SETBP1: variants seen among roughly 807,000 people sequenced by gnomAD.
SETBP1 encodes SET-binding protein.
In SETBP1, 9 loss-of-function variants were observed where a neutral mutation model predicts 101.0. The ratio of observed to expected loss-of-function variants is 0.09; its 90% confidence interval spans 0.05 to 0.16. SETBP1 has a LOEUF of 0.16. Among genes scored for constraint, SETBP1 ranks in the 10% least tolerant of loss-of-function variants. SETBP1 has a pLI of 1.00. For missense variants in SETBP1, 1,858 were observed against 2,033.8 expected, an observed-to-expected ratio of 0.91 and a Z score of 1.66; for synonymous variants, 818 against 788.5, an observed-to-expected ratio of 1.04 and a Z score of -0.63.
chr18:44,917,881 G>A (rs893686652), intron 3 of SETBP1, among the ~76,000 whole-genome samples: 3 of 152,020 alleles, frequency 2.0e-5, no homozygotes, highest in African/African-American at 7.2e-5. Flanking sequence ...AGCCAGGTTT[G>A]GAGAAGGAAA....
chr18:44,978,077 G>C (rs1216517471), intron 4 of SETBP1, among the ~76,000 whole-genome samples: 1 of 152,096 alleles, frequency 6.6e-6, no homozygotes, highest in African/African-American at 2.4e-5. Flanking sequence ...CAGCCAGCCA[G>C]GGTTGCAACC....
chr18:44,752,474 T>C (rs576744207), intron 2 of SETBP1, among the ~76,000 whole-genome samples: 4 of 152,332 alleles, frequency 2.6e-5, no homozygotes, highest in East Asian at 1.9e-4. Flanking sequence ...CTGGTGGGTA[T>C]TGAAATCTTT....
intron 1 of SETBP1, among the ~76,000 whole-genome samples, chr18:44,694,448 G>A (rs12373482): frequency 0.054 from 8,208 of 152,286 alleles, 314 homozygotes; most frequent in Non-Finnish European, 0.081. Flanking sequence ...CTGACCTCAG[G>A]TGATCTGCCC....
intron 2 of SETBP1, among the ~76,000 whole-genome samples, chr18:44,780,039 C>A (rs1189365318): frequency 1.3e-5 from 2 of 152,166 alleles, no homozygotes; most frequent in Non-Finnish European, 2.9e-5. Flanking sequence ...TAAGAGAGTT[C>A]CCTCCTTGTT....
At chr18:44,769,857 G>A (rs1599101343) in intron 2 of SETBP1, among the ~76,000 whole-genome samples, 2 of 152,174 alleles carry the variant, frequency 1.3e-5, no homozygotes, top group African/African-American at 4.8e-5. Flanking sequence ...TTAGCATCGA[G>A]ACCGACAGCA....
chr18:44,869,337 T>C (rs1209592485), intron 3 of SETBP1, 54 bp downstream of exon 3: 1 of 1,555,910 alleles, frequency 6.4e-7, no homozygotes, highest in Admixed American at 1.7e-5. Flanking sequence ...GATCCAGAGT[T>C]TGGTTGTCAA....
At chr18:45,057,500 G>T (rs1176685629) in intron 5 of SETBP1, among the ~76,000 whole-genome samples, 1 of 152,124 alleles carries the variant, frequency 6.6e-6, no homozygotes, top group African/African-American at 2.4e-5. Flanking sequence ...GGCCTGTGCT[G>T]GGAACTCTGG....
chr18:44,770,627 T>C (rs1399753316), intron 2 of SETBP1, among the ~76,000 whole-genome samples: 3 of 152,216 alleles, frequency 2.0e-5, no homozygotes, highest in African/African-American at 2.4e-5. Context: ...CAAAACATTT[T>C]TCAGCCTTAA....
intron 4 of SETBP1, among the ~76,000 whole-genome samples, chr18:45,006,654 C>A (rs1331941051): frequency 6.6e-6 from 1 of 152,188 alleles, no homozygotes; most frequent in Non-Finnish European, 1.5e-5. Context: ...TCAAAATTTT[C>A]TCTTCTTATA....
chr18:44,849,748 C>G (rs757800636), intron 2 of SETBP1, among the ~76,000 whole-genome samples: 18 of 152,042 alleles, frequency 1.2e-4, no homozygotes, highest in Non-Finnish European at 2.5e-4. Context: ...GAGCAAATGA[C>G]ATAACCTCAC....
chr18:44,809,943 G>A (rs914092291), intron 2 of SETBP1, among the ~76,000 whole-genome samples: 22 of 152,312 alleles, frequency 1.4e-4, no homozygotes, highest in African/African-American at 5.1e-4. Flanking sequence ...AGACCACCAC[G>A]TTCTCCAGGC....
At chr18:44,930,896 AT>A (rs2070817508) in intron 3 of SETBP1, among the ~76,000 whole-genome samples, 3 of 148,724 alleles carry the variant, frequency 2.0e-5, no homozygotes. Flanking sequence ...CTGCTCCTGG[AT>A]TCATTGATTT....
intron 2 of SETBP1, among the ~76,000 whole-genome samples, chr18:44,776,474 A>G (rs2071005691): frequency 6.6e-6 from 1 of 152,180 alleles, no homozygotes; most frequent in Admixed American, 6.5e-5. Context: ...ATAAGACTCC[A>G]TCTAGCAAGT....
chr18:44,704,279 T>C (rs2069173349), intron 2 of SETBP1, among the ~76,000 whole-genome samples: 1 of 152,206 alleles, frequency 6.6e-6, no homozygotes, highest in South Asian at 2.1e-4. Flanking sequence ...AGCTGGATGC[T>C]CTTTGTGGAC....
chr18:44,845,173 G>C (rs574716250), intron 2 of SETBP1, among the ~76,000 whole-genome samples: 3 of 152,298 alleles, frequency 2.0e-5, no homozygotes, highest in African/African-American at 7.2e-5. Context: ...AGCCGAAGAG[G>C]TTTGATTGAG....
chr18:45,063,586 C>G lies in SETBP1; in HGVS notation c.4679C>G (p.Pro1560Arg). 6.3e-7 allele frequency: 1 copy of G among 1,578,814 alleles called. No individual in the cohort carries two copies. The highest frequency in any genetic ancestry group is 8.6e-7 in the Non-Finnish European group (1 of 1,162,478). The change falls in exon 6 of 6, where the codon CCC (proline) becomes CGC (arginine). Residue 1560 changes from proline (P) to arginine (R), a missense_variant. Pro to Arg is a moderately radical substitution (Grantham distance 103). Around this residue, in one of 12 missense-constraint regions of SETBP1, gnomAD observed 178 missense variants for 189.1 expected, o/e 0.94. Coordinates refer to ENST00000649279, the MANE Select transcript of SETBP1 (RefSeq NM_015559.3). Reference protein sequence around the residue: ...GGKRKHKPQAPAQPPQQSPPQ... With the variant: ...GGKRKHKPQARAQPPQQSPPQ... ...AAGAGGAAACACAAACCGCAGGCCC[C>G]CGCTCAGCCCCCACAGCAGTCGCCC...
chr18:44,918,934 T>C (rs1050685339), intron 3 of SETBP1, among the ~76,000 whole-genome samples: 2 of 152,202 alleles, frequency 1.3e-5, no homozygotes, highest in African/African-American at 4.8e-5. Context: ...CAGCAGACTC[T>C]TCTCCTGGGG....
At chr18:45,046,784 C>T (rs1013715610) in intron 5 of SETBP1, among the ~76,000 whole-genome samples, 1 of 152,174 alleles carries the variant, frequency 6.6e-6, no homozygotes, top group African/African-American at 2.4e-5. Context: ...CATCTCAATT[C>T]CCAAAACCTT....
At chr18:44,839,213 A>C (rs925409126) in intron 2 of SETBP1, among the ~76,000 whole-genome samples, 1 of 152,186 alleles carries the variant, frequency 6.6e-6, no homozygotes, top group Non-Finnish European at 1.5e-5. Context: ...ACAGTTTACG[A>C]GTGTAGATGA....
Sources: allele counts gnomAD v4.1 joint callset (sites outside exome capture counted in the v4.1 genomes callset), GRCh38; gene constraint gnomAD v4.1.1; regional missense constraint gnomAD v4.1.1; transcripts MANE v1.5; gene names NCBI Gene and HGNC (gene_info 2026-07-23, HGNC 2026-07-21).